Variants in CSMD1 observed in about 807,000 individuals in gnomAD.
The protein encoded by CSMD1 is CUB and Sushi multiple domains 1, also known as CUB and sushi domain-containing protein 1.
In CSMD1, 213 loss-of-function variants were observed where a neutral mutation model predicts 417.5. The observed-to-expected ratio is 0.51, with a 90% CI of 0.46 to 0.57. CSMD1 has a LOEUF of 0.57. Ranked by LOEUF, CSMD1 falls within the 20% of genes least tolerant of loss-of-function variation. The probability of loss-of-function intolerance (pLI) is 0.00; values close to 1 mark genes in which losing one functional copy is unlikely to be tolerated. For synonymous variants in CSMD1, 2,862 were observed against 1,736.8 expected (o/e 1.65, Z -16.11); for missense variants, 6,923 against 4,529.7 (o/e 1.53, Z -15.17).
chr8:3,301,892 A>C (rs527848132), intron 25 of CSMD1, among the ~76,000 whole-genome samples: 7 of 152,324 alleles, frequency 4.6e-5, no homozygotes, highest in Admixed American at 2.0e-4. Flanking sequence ...GAAAGGAAAC[A>C]TAAAGAGATG....
intron 10 of CSMD1, among the ~76,000 whole-genome samples, chr8:3,510,009 G>A (rs1472359639): frequency 4.6e-5 from 7 of 152,300 alleles, no homozygotes; most frequent in Admixed American, 2.0e-4. Context: ...TCCAATTGAC[G>A]TATACAAGTC....
At chr8:4,400,388 C>G (rs1036444920) in intron 3 of CSMD1, among the ~76,000 whole-genome samples, 1 of 152,186 alleles carries the variant, frequency 6.6e-6, no homozygotes, top group Admixed American at 6.5e-5. Context: ...TATATCCATC[C>G]TGTGTTTGCC....
chr8:4,942,452 A>G lies in CSMD1; in HGVS notation c.85+51880T>C, dbSNP rs1808071668. Among the ~76,000 whole-genome samples, 3 of 152,346 alleles carry G rather than the reference A, an allele frequency of 2.0e-5. No individual in the cohort carries two copies. The South Asian group carries it at 6.2e-4, about 32-fold the overall frequency. ...ACATCATGCCCAACCAACCATCATGACAAAGACAGTTTTCACATTTTAAAA... is the reference window on the plus strand; with the variant it reads ...ACATCATGCCCAACCAACCATCATGGCAAAGACAGTTTTCACATTTTAAAA... On this transcript the variant is annotated intron_variant, in intron 1 of 69. Transcript: ENST00000635120.
chr8:3,891,249 A>G (rs1033391433), intron 5 of CSMD1, among the ~76,000 whole-genome samples: 1 of 152,046 alleles, frequency 6.6e-6, no homozygotes, highest in African/African-American at 2.4e-5. Flanking sequence ...GGTTTTTGCC[A>G]TGTTTCCCAG....
At chr8:4,745,244 C>T (rs1810877675) in intron 1 of CSMD1, among the ~76,000 whole-genome samples, 1 of 152,050 alleles carries the variant, frequency 6.6e-6, no homozygotes, top group South Asian at 2.1e-4. Flanking sequence ...AGTTTTTGGT[C>T]CTAGAGAGAA....
At chr8:4,425,232 G>C (rs901385069) in intron 2 of CSMD1, among the ~76,000 whole-genome samples, 2 of 151,944 alleles carry the variant, frequency 1.3e-5, no homozygotes, top group South Asian at 2.1e-4. Flanking sequence ...GTAGGAACAA[G>C]ATACTAAGGG....
In CSMD1 at chr8:4,084,539, A is replaced by G. The variant is rs1315977364; in HGVS notation, c.416-52440T>C. 5.9e-5 allele frequency among the ~76,000 whole-genome samples: 9 copies of G among 152,322 alleles called. No homozygotes were observed. In the South Asian group the frequency reaches 1.0e-3, roughly 18 times the overall value. On this transcript the variant is annotated intron_variant, in intron 3 of 69. Coordinates refer to ENST00000635120, the MANE Select transcript of CSMD1 (RefSeq NM_033225.6). ...TTATTTTTCCTTACTTCCTCAAGGAAAAGGACAATTGGTAGGATGTTAGGA... is the reference window on the plus strand; with the variant it reads ...TTATTTTTCCTTACTTCCTCAAGGAGAAGGACAATTGGTAGGATGTTAGGA...
At chr8:4,636,639 A>C (rs1441357294) in intron 2 of CSMD1, among the ~76,000 whole-genome samples, 1 of 152,258 alleles carries the variant, frequency 6.6e-6, no homozygotes, top group Admixed American at 6.5e-5. Context: ...TTACCTTGAC[A>C]ACTCTGTTTC....
At chr8:4,394,683 G>A (rs776151853) in intron 3 of CSMD1, among the ~76,000 whole-genome samples, 33 of 152,250 alleles carry the variant, frequency 2.2e-4, no homozygotes, top group South Asian at 4.1e-4. Context: ...TCCCTTGGGC[G>A]TCTTGCTGGC....
At chr8:4,203,741 C>G (rs1460997394) in intron 3 of CSMD1, among the ~76,000 whole-genome samples, 1 of 152,042 alleles carries the variant, frequency 6.6e-6, no homozygotes, top group East Asian at 1.9e-4. Flanking sequence ...TATGTACACG[C>G]ACATATACAT....
At chr8:3,509,313 A>G (rs1425424339) in intron 10 of CSMD1, among the ~76,000 whole-genome samples, 1 of 152,222 alleles carries the variant, frequency 6.6e-6, no homozygotes, top group Non-Finnish European at 1.5e-5. Context: ...CCCCACCCAT[A>G]GTTATAGTAA....
intron 26 of CSMD1, among the ~76,000 whole-genome samples, chr8:3,258,165 TAAAG>T (rs1800798152): frequency 6.6e-6 from 1 of 151,988 alleles, no homozygotes; most frequent in South Asian, 2.1e-4. Context: ...ACAGACAACC[TAAAG>T]AAAGGGAGAA....
At chr8:3,755,615 G>C (rs1385196582) in intron 5 of CSMD1, among the ~76,000 whole-genome samples, 1 of 152,146 alleles carries the variant, frequency 6.6e-6, no homozygotes. Flanking sequence ...GGTCACCTGT[G>C]TAGAGAGCAT....
In CSMD1 at chr8:3,594,681, A is replaced by G. The variant is rs145998698; in HGVS notation, c.1098-8421T>C. On this transcript the variant is annotated intron_variant, in intron 8 of 69. Transcript: ENST00000635120. ...CTCCCTTCTCTCACTTCTGAGGCATATAACTTAGTTCCTTTATTGCTCCAT... is the reference window on the plus strand; with the variant it reads ...CTCCCTTCTCTCACTTCTGAGGCATGTAACTTAGTTCCTTTATTGCTCCAT... 4.5e-3 allele frequency among the ~76,000 whole-genome samples: 682 copies of G among 152,298 alleles called. 6 individuals are homozygous for G. The highest frequency in any genetic ancestry group is 0.016 in the African/African-American group (651 of 41,568).
At chr8:3,245,760 C>G (rs990388406) in intron 26 of CSMD1, among the ~76,000 whole-genome samples, 1 of 152,178 alleles carries the variant, frequency 6.6e-6, no homozygotes, top group African/African-American at 2.4e-5. Flanking sequence ...CTAGAACGGA[C>G]TATGTGTTGA....
chr8:3,128,544 T>A (rs1034396828), intron 41 of CSMD1: 2 of 265,934 alleles, frequency 7.5e-6, no homozygotes, highest in African/African-American at 4.5e-5. Context: ...GCTTAGCTTC[T>A]AAATCTCAAG....
intron 56 of CSMD1, among the ~76,000 whole-genome samples, chr8:2,973,526 A>T (rs1301175494): frequency 2.0e-5 from 3 of 152,212 alleles, no homozygotes; most frequent in Non-Finnish European, 2.9e-5. Context: ...TAGCCTATTC[A>T]AATATGGTTG....
Position 3,201,739 on chromosome 8 carries a change from G to A in CSMD1, c.4985-14C>T. ...GTCCAAAGACCACTAAAAAATAAGA[G>A]GTGGGATGTTGGCACAAGATGCTCT... On this transcript the variant is annotated splice_polypyrimidine_tract_variant and intron_variant, in intron 31 of 69. Transcript: ENST00000635120. 2.0e-6 allele frequency: 3 copies of A among 1,520,850 alleles called. No individual in the cohort carries two copies. Among genetic ancestry groups the A allele is most frequent in the Non-Finnish European group, 2.7e-6 (3 of 1,109,610 alleles). 94.2% of individuals were successfully genotyped at this position (1,520,850 alleles called of 1,614,324 possible).
intron 4 of CSMD1, among the ~76,000 whole-genome samples, chr8:4,022,675 TG>T (rs1232239005): frequency 6.6e-6 from 1 of 152,072 alleles, no homozygotes; most frequent in Non-Finnish European, 1.5e-5. Context: ...GTGGTAGATT[TG>T]GGGGAAATGA....
Sources: allele counts gnomAD v4.1 joint callset (sites outside exome capture counted in the v4.1 genomes callset), GRCh38; gene constraint gnomAD v4.1.1; transcripts MANE v1.5; gene names NCBI Gene and HGNC (gene_info 2026-07-23, HGNC 2026-07-21).